The following DYM variants were observed in gnomAD, a reference collection of about 807,000 sequenced individuals.
DYM encodes the protein dyggve-Melchior-Clausen syndrome protein.
A neutral mutation model predicts 93.1 loss-of-function variants in DYM; 78 were observed. That is an observed-to-expected ratio of 0.84 (90% CI 0.70 to 1.01). The LOEUF (loss-of-function observed/expected upper bound fraction) is 1.01. Ranked by LOEUF, DYM falls within the 50% of genes least tolerant of loss-of-function variation. The pLI is 0.00. For synonymous variants in DYM, 321 were observed against 319.7 expected (o/e 1.00, Z -0.04); for missense variants, 789 against 845.0 (o/e 0.93, Z 0.82).
intron 8 of DYM, among the ~76,000 whole-genome samples, chr18:49,329,305 G>A (rs184827497): frequency 0.01 from 1,145 of 113,648 alleles, 38 homozygotes; most frequent in Admixed American, 0.085. Flanking sequence ...GGAGGGGGGA[G>A]GGATAGCATT....
intron 1 of DYM, among the ~76,000 whole-genome samples, chr18:49,457,788 A>T (rs1307679058): frequency 6.6e-6 from 1 of 152,222 alleles, no homozygotes; most frequent in Non-Finnish European, 1.5e-5. Flanking sequence ...ATCCTGAATT[A>T]GCTAAGTGGG....
rs1312902209 is a variant in DYM at position 49,041,403 on chromosome 18, C to T, written c.*2652G>A. 6.6e-6 allele frequency: 1 copy of T among 152,230 alleles called. No individual in the cohort carries two copies. The highest frequency in any genetic ancestry group is 2.4e-5 in the African/African-American group (1 of 41,456). 9.4% of individuals were successfully genotyped at this position (152,230 alleles called of 1,614,324 possible). On this transcript the variant is annotated 3_prime_UTR_variant, in exon 18 of 18. Transcript: ENST00000675505. ...CTGAACACACGATGATCCTGTGTTG[C>T]ATCATTACACATTTTTACTTCGTGT... is the stretch of plus-strand genomic sequence containing the variant.
At chr18:49,121,090 C>T (rs541124570) in intron 15 of DYM, among the ~76,000 whole-genome samples, 3 of 152,224 alleles carry the variant, frequency 2.0e-5, no homozygotes, top group African/African-American at 7.2e-5. Context: ...CAGAATATGA[C>T]ACAGAGATAA....
chr18:49,254,479 A>G (rs549364316), intron 13 of DYM, among the ~76,000 whole-genome samples: 10 of 152,218 alleles, frequency 6.6e-5, no homozygotes, highest in African/African-American at 2.4e-4. Context: ...AAATGAAGTA[A>G]AGCACTACTC....
intron 1 of DYM, among the ~76,000 whole-genome samples, chr18:49,451,677 C>T (rs567616279): frequency 1.5e-3 from 233 of 152,306 alleles, no homozygotes; most frequent in Non-Finnish European, 2.4e-3. Context: ...TCTTGCTGAA[C>T]TTTATGCAAA....
intron 5 of DYM, among the ~76,000 whole-genome samples, chr18:49,378,235 T>A (rs1043978789): frequency 1.3e-5 from 2 of 152,232 alleles, no homozygotes; most frequent in Non-Finnish European, 2.9e-5. Flanking sequence ...TATTTAAAAC[T>A]GACACCTCTG....
At chr18:49,215,710 A>C (rs1318670666) in intron 13 of DYM, among the ~76,000 whole-genome samples, 1 of 152,256 alleles carries the variant, frequency 6.6e-6, no homozygotes, top group Non-Finnish European at 1.5e-5. Flanking sequence ...CTCAAACTGA[A>C]AACTAAAACA....
chr18:49,153,091 A>G (rs2086002707), intron 15 of DYM, among the ~76,000 whole-genome samples: 1 of 152,348 alleles, frequency 6.6e-6, no homozygotes, highest in South Asian at 2.1e-4. Flanking sequence ...ATTTGCTAAG[A>G]GAGTAGATCA....
intron 14 of DYM, among the ~76,000 whole-genome samples, chr18:49,169,597 G>C (rs753633268): frequency 6.5e-4 from 99 of 152,200 alleles, no homozygotes; most frequent in Non-Finnish European, 1.2e-3. Context: ...ATTGAGGTGT[G>C]AGGTGGGAGG....
At chr18:49,055,467 G>A (rs2075393793) in intron 17 of DYM, among the ~76,000 whole-genome samples, 1 of 152,328 alleles carries the variant, frequency 6.6e-6, no homozygotes, top group East Asian at 1.9e-4. Flanking sequence ...TCCTACTTAG[G>A]AGGCTGGGAG....
Position 49,378,622 on chromosome 18 carries a change from T to C in DYM, c.366A>G (p.Ser122=). ...TAAAATGAAGTTGTAATTCCTCCTCTGACATCTGACAGATGAACACTTTCA... is the reference window on the plus strand; with the variant it reads ...TAAAATGAAGTTGTAATTCCTCCTCCGACATCTGACAGATGAACACTTTCA... The part of the protein sequence containing the change: ...CLLKVFICQM[S]EEELQLHFTY... Residue 122 remains serine, a synonymous_variant, in exon 5 of 18, where the codon TCA becomes TCG. Transcript: ENST00000675505. The C allele has an allele frequency of 6.2e-7, 1 of 1,612,964 alleles. No individual in the cohort carries two copies. Among genetic ancestry groups the C allele is most frequent in the Non-Finnish European group, 8.5e-7 (1 of 1,179,142 alleles).
At chr18:49,189,044 T>G (rs2090719745) in intron 14 of DYM, among the ~76,000 whole-genome samples, 1 of 151,864 alleles carries the variant, frequency 6.6e-6, no homozygotes, top group Admixed American at 6.6e-5. Context: ...CCTAGGTGAA[T>G]TAACACAGAA....
At chr18:49,193,370 T>C (rs1017021566) in intron 14 of DYM, among the ~76,000 whole-genome samples, 2 of 152,172 alleles carry the variant, frequency 1.3e-5, no homozygotes, top group Non-Finnish European at 2.9e-5. Context: ...CTAAAGATCA[T>C]TTAAAAACAT....
At chr18:49,432,966 A>G (rs1403174539) in intron 1 of DYM, among the ~76,000 whole-genome samples, 2 of 152,224 alleles carry the variant, frequency 1.3e-5, no homozygotes, top group African/African-American at 4.8e-5. Flanking sequence ...AAAGTAGAAT[A>G]AAAACATTTT....
intron 10 of DYM, among the ~76,000 whole-genome samples, chr18:49,278,174 C>A (rs1429782042): frequency 5.9e-5 from 9 of 152,086 alleles, no homozygotes; most frequent in Non-Finnish European, 1.3e-4. Context: ...ATATAAAGAT[C>A]CTATGTCATT....
intron 14 of DYM, among the ~76,000 whole-genome samples, chr18:49,167,775 C>T (rs922887539): frequency 2.6e-5 from 4 of 152,124 alleles, no homozygotes; most frequent in Admixed American, 6.6e-5. Context: ...GCTTAATATT[C>T]ACTTAGCTGG....
chr18:49,381,757 C>A (rs543966091), intron 3 of DYM, among the ~76,000 whole-genome samples: 1 of 152,046 alleles, frequency 6.6e-6, no homozygotes, highest in South Asian at 2.1e-4. Flanking sequence ...TGTCAATCAG[C>A]GGAGTTTTTA....
At chr18:49,405,032 AAG>A (rs2071316165) in intron 2 of DYM, among the ~76,000 whole-genome samples, 1 of 151,410 alleles carries the variant, frequency 6.6e-6, no homozygotes, top group African/African-American at 2.4e-5. Flanking sequence ...AAAAAAAAGA[AAG>A]AAAAAGAAGG....
At chr18:49,096,469 A>G (rs1217135171) in intron 17 of DYM, among the ~76,000 whole-genome samples, 1 of 152,242 alleles carries the variant, frequency 6.6e-6, no homozygotes, top group African/African-American at 2.4e-5. Flanking sequence ...ACTGGAACAG[A>G]CGTGAACTGT....
Sources: allele counts gnomAD v4.1 joint callset (sites outside exome capture counted in the v4.1 genomes callset), GRCh38; gene constraint gnomAD v4.1.1; transcripts MANE v1.5; gene names NCBI Gene and HGNC (gene_info 2026-07-23, HGNC 2026-07-21).